Variants in CACNB2 observed in about 807,000 individuals in gnomAD.
The protein encoded by CACNB2 is voltage-dependent L-type calcium channel subunit beta-2.
In CACNB2, 42 loss-of-function variants were observed where a neutral mutation model predicts 73.3. The observed-to-expected ratio is 0.57, with a 90% confidence interval of 0.45 to 0.74. The LOEUF (loss-of-function observed/expected upper bound fraction) is 0.74. Ranked by LOEUF, CACNB2 falls within the 30% of genes least tolerant of loss-of-function variation. The pLI is 0.00. For synonymous variants in CACNB2, 348 were observed against 310.3 expected (o/e 1.12, Z -1.28); for missense variants, 940 against 853.0 (o/e 1.10, Z -1.27).
intron 2 of CACNB2, among the ~76,000 whole-genome samples, chr10:18,233,256 G>A (rs570596314): frequency 5.9e-5 from 9 of 152,254 alleles, no homozygotes; most frequent in Middle Eastern, 3.4e-3. Context: ...GGACACTGAC[G>A]TCACACAAGG....
chr10:18,497,667 C>T (rs2049918411), intron 3 of CACNB2, among the ~76,000 whole-genome samples: 1 of 152,128 alleles, frequency 6.6e-6, no homozygotes, highest in African/African-American at 2.4e-5. Flanking sequence ...TCAAGCAATC[C>T]TCTTGCCTTG....
intron 2 of CACNB2, among the ~76,000 whole-genome samples, chr10:18,270,568 A>G (rs2038009126): frequency 6.6e-6 from 1 of 152,114 alleles, no homozygotes; most frequent in African/African-American, 2.4e-5. Flanking sequence ...ACACTTCTTG[A>G]TCAAGCCACT....
chr10:18,321,575 GC>G (rs2040398341), intron 2 of CACNB2, among the ~76,000 whole-genome samples: 1 of 152,166 alleles, frequency 6.6e-6, no homozygotes, highest in Non-Finnish European at 1.5e-5. Context: ...ATGCTTGGGG[GC>G]ATGGACACCC....
intron 3 of CACNB2, among the ~76,000 whole-genome samples, chr10:18,449,147 G>A (rs960260257): frequency 1.3e-5 from 2 of 152,202 alleles, no homozygotes; most frequent in Non-Finnish European, 2.9e-5. Context: ...CACTTTGGGG[G>A]GCTGAGGCGG....
At chr10:18,155,892 A>T (rs1285581187) in intron 2 of CACNB2, among the ~76,000 whole-genome samples, 1 of 45,600 alleles carries the variant, frequency 2.2e-5, no homozygotes, top group Admixed American at 4.1e-4. Flanking sequence ...GAGAGAGAGA[A>T]CATATTATAT....
At chr10:18,314,753 A>G (rs1338801315) in intron 2 of CACNB2, among the ~76,000 whole-genome samples, 2 of 152,180 alleles carry the variant, frequency 1.3e-5, no homozygotes, top group African/African-American at 4.8e-5. Flanking sequence ...CAGAATAAAA[A>G]CGTCTCCAAG....
intron 9 of CACNB2, among the ~76,000 whole-genome samples, chr10:18,526,617 G>C (rs1211044369): frequency 6.6e-6 from 1 of 152,192 alleles, no homozygotes. Context: ...GCTTTCTGCA[G>C]TCTAAGTCAT....
chr10:18,491,105 C>T (rs1722324557), intron 3 of CACNB2, among the ~76,000 whole-genome samples: 1 of 152,180 alleles, frequency 6.6e-6, no homozygotes, highest in South Asian at 2.1e-4. Context: ...TTTGTTCTTG[C>T]TTCTTGGGAC....
intron 2 of CACNB2, among the ~76,000 whole-genome samples, chr10:18,157,587 G>C (rs1324925236): frequency 6.6e-6 from 1 of 152,184 alleles, no homozygotes; most frequent in African/African-American, 2.4e-5. Flanking sequence ...CTTACTTTAA[G>C]TTCTGTCTCC....
chr10:18,503,291 T>G (rs139026089), intron 5 of CACNB2, among the ~76,000 whole-genome samples: 140 of 152,256 alleles, frequency 9.2e-4, no homozygotes, highest in African/African-American at 3.2e-3. Flanking sequence ...AATGGTATCA[T>G]AATACTAGCT....
intron 2 of CACNB2, among the ~76,000 whole-genome samples, chr10:18,169,727 C>A (rs568135104): frequency 6.6e-6 from 1 of 152,164 alleles, no homozygotes; most frequent in African/African-American, 2.4e-5. Flanking sequence ...AGTTACAGAA[C>A]CAATCTTCCC....
chr10:18,141,062 C>T, intron 1 of CACNB2: 1 of 1,547,260 alleles, frequency 6.5e-7, no homozygotes, highest in Non-Finnish European at 8.7e-7. Context: ...CCATTTTTCT[C>T]TGCTTCCGAA....
At chr10:18,410,472 C>A (rs970942059) in intron 3 of CACNB2, among the ~76,000 whole-genome samples, 4 of 151,942 alleles carry the variant, frequency 2.6e-5, no homozygotes, top group Admixed American at 2.6e-4. Context: ...GAAACATGAA[C>A]ATGTTTACGT....
At chr10:18,292,580 C>T (rs528886007) in intron 2 of CACNB2, among the ~76,000 whole-genome samples, 60 of 152,218 alleles carry the variant, frequency 3.9e-4, no homozygotes, top group Admixed American at 1.2e-3. Flanking sequence ...CGCTTGAACC[C>T]AGGAGGTGGA....
At chr10:18,154,171 A>G (rs1430935278) in intron 2 of CACNB2, among the ~76,000 whole-genome samples, 2 of 152,124 alleles carry the variant, frequency 1.3e-5, no homozygotes, top group African/African-American at 4.8e-5. Flanking sequence ...AAGAAATTTA[A>G]AAAGTAAAAT....
At chr10:18,273,114 G>T (rs565426363) in intron 2 of CACNB2, among the ~76,000 whole-genome samples, 82 of 152,300 alleles carry the variant, frequency 5.4e-4, no homozygotes, top group African/African-American at 1.9e-3. Flanking sequence ...GCTGCTCTGA[G>T]AATTTCAGTA....
chr10:18,336,900 A>T (rs943085180), intron 2 of CACNB2, among the ~76,000 whole-genome samples: 3 of 152,182 alleles, frequency 2.0e-5, no homozygotes, highest in African/African-American at 7.2e-5. Context: ...AGTAATACCA[A>T]CCCATTGTAG....
Position 18,220,222 on chromosome 10 carries a change from TATATATATATAG to T in CACNB2, c.213+69249_213+69260del, listed in dbSNP as rs1283225307. Among the ~76,000 whole-genome samples, 41 of 48,260 alleles carry T rather than the reference TATATATATATAG, an allele frequency of 8.5e-4. 1 individual carries two copies. Among genetic ancestry groups the T allele is most frequent in the African/African-American group, 2.6e-3 (14 of 5,342 alleles). 31.7% of individuals were successfully genotyped at this position (48,260 alleles called of 152,430 possible). A position where few individuals can be genotyped will look rare whatever the true frequency, so the allele number is the denominator to read the frequency against. On this transcript the variant is annotated intron_variant, in intron 2 of 13. Coordinates refer to ENST00000324631, the MANE Select transcript of CACNB2 (RefSeq NM_201596.3). ...GTGTGTATATATATATATATATATA[TATATATATATAG>T]AGAGAGAGAGAGAGAGAGAGAGAGA...
At chr10:18,172,188 C>G (rs1238346105) in intron 2 of CACNB2, among the ~76,000 whole-genome samples, 1 of 152,074 alleles carries the variant, frequency 6.6e-6, no homozygotes, top group Admixed American at 6.5e-5. Flanking sequence ...CATGGCAAAA[C>G]CCCGTCTCTA....
Sources: allele counts gnomAD v4.1 joint callset (sites outside exome capture counted in the v4.1 genomes callset), GRCh38; gene constraint gnomAD v4.1.1; transcripts MANE v1.5; gene names NCBI Gene and HGNC (gene_info 2026-07-23, HGNC 2026-07-21).